Variants in GIN1 observed in about 807,000 individuals in gnomAD.
GIN1 encodes the protein gypsy retrotransposon integrase 1.
In GIN1, 41 loss-of-function variants were observed where a neutral mutation model predicts 51.4. The ratio of observed to expected loss-of-function variants is 0.80; its 90% CI spans 0.62 to 1.04. GIN1 has a LOEUF of 1.04. Ranked by LOEUF, GIN1 falls within the 50% of genes least tolerant of loss-of-function variation. GIN1 has a pLI of 0.00. For missense variants in GIN1, 610 were observed against 612.4 expected, an observed-to-expected ratio of 1.00 and a Z score of 0.04; for synonymous variants, 222 against 206.5, an observed-to-expected ratio of 1.07 and a Z score of -0.64.
chr5:103,089,465 C>CTAAT, intron 7 of GIN1, among the ~76,000 whole-genome samples: 1 of 149,060 alleles, frequency 6.7e-6, no homozygotes, highest in African/African-American at 2.5e-5. Flanking sequence ...CATTCATTCA[C>CTAAT]TCATTCATTC....
At chr5:103,116,341 T>A (rs370726733) in intron 1 of GIN1, among the ~76,000 whole-genome samples, 6 of 152,238 alleles carry the variant, frequency 3.9e-5, no homozygotes, top group African/African-American at 1.4e-4. Flanking sequence ...TATAGTAAAC[T>A]GATTTTCAAC....
chr5:103,110,313 A>G (rs1361619834), intron 1 of GIN1, among the ~76,000 whole-genome samples: 5 of 152,166 alleles, frequency 3.3e-5, no homozygotes, highest in Non-Finnish European at 5.9e-5. Flanking sequence ...TAGGACACGC[A>G]TTGGGAGAAG....
chr5:103,113,422 G>T (rs1226216210), intron 1 of GIN1, among the ~76,000 whole-genome samples: 2 of 152,062 alleles, frequency 1.3e-5, no homozygotes, highest in Admixed American at 1.3e-4. Context: ...CATGAGGGAA[G>T]GGGAAAGGGG....
In GIN1 at chr5:103,106,818, G is replaced by T. The variant is rs782129439; in HGVS notation, c.231C>A (p.Cys77Ter). 4.4e-6 allele frequency: 7 copies of T among 1,600,668 alleles called. No individual in the cohort carries two copies. Among genetic ancestry groups the T allele is most frequent in the African/African-American group, 1.3e-5 (1 of 74,436 alleles). The change falls in exon 3 of 8, where the codon TGC becomes TGA. Residue 77 changes from cysteine to a stop codon, truncating the protein, a stop_gained. Transcript: ENST00000399004. LOFTEE classifies it high-confidence loss of function. Reference protein sequence around the residue: ...EEEKKKVLRECHENDSGAHHG... With the variant: ...EEEKKKVLRE ...GATGAGCTCCACTGTCATTTTCATG[G>T]CATTCTCTTAAGACTTTCTTTTTTT...
In GIN1 at chr5:103,088,137, C is replaced by T. The variant is rs1003268017; in HGVS notation, c.1330G>A (p.Asp444Asn). 3 of 1,605,448 alleles carry T rather than the reference C, an allele frequency of 1.9e-6. No individual in the cohort carries two copies. Among genetic ancestry groups the T allele is most frequent in the Admixed American group, 1.7e-5 (1 of 59,274 alleles). Residue 444 changes from aspartate to asparagine, a missense_variant, in exon 8 of 8, where the codon GAT (aspartate) becomes AAT (asparagine). Asp to Asn is a conservative substitution (Grantham distance 23, BLOSUM62 1). Transcript: ENST00000399004. Reference protein sequence around the residue: ...LYLLQGSVVADHDYIGLPEIP... With the variant: ...LYLLQGSVVANHDYIGLPEIP... ...TCAGGCAATCCAATGTAGTCATGATCTGCCACTACTGAACCTTGCAAGAGA... is the reference window on the plus strand; with the variant it reads ...TCAGGCAATCCAATGTAGTCATGATTTGCCACTACTGAACCTTGCAAGAGA...
At chr5:103,095,758 C>T (rs1201983587) in intron 7 of GIN1, among the ~76,000 whole-genome samples, 3 of 152,104 alleles carry the variant, frequency 2.0e-5, no homozygotes, top group African/African-American at 7.2e-5. Flanking sequence ...CTCATCTCTA[C>T]CAAAAATACA....
intron 7 of GIN1, among the ~76,000 whole-genome samples, chr5:103,089,440 A>G (rs537870392): frequency 2.3e-5 from 3 of 128,624 alleles, no homozygotes; most frequent in Non-Finnish European, 1.5e-5. Flanking sequence ...CTTATTTTTC[A>G]TTCATTCATT....
At chr5:103,113,170 C>T (rs987869626) in intron 1 of GIN1, among the ~76,000 whole-genome samples, 47 of 152,192 alleles carry the variant, frequency 3.1e-4, no homozygotes, top group African/African-American at 1.1e-3. Flanking sequence ...ACAGAGGTCA[C>T]ACTAAAACAC....
rs199707690 is a variant in GIN1 at position 103,096,651 on chromosome 5, T to C, written c.1184A>G (p.Tyr395Cys). 5.6e-6 allele frequency: 9 copies of C among 1,613,896 alleles called. No individual in the cohort carries two copies. The highest frequency in any genetic ancestry group is 1.7e-5 in the Admixed American group (1 of 60,020). Reference sequence around the variant, plus strand: ...GACAGCACATCCACTTTCTGTAATATAGTCTATGACACAAGGACCAACCCA... The same window carrying C: ...GACAGCACATCCACTTTCTGTAATACAGTCTATGACACAAGGACCAACCCA... Reference protein sequence around the residue: ...SEWVGPCVIDYITESGCAVLR... With the variant: ...SEWVGPCVIDCITESGCAVLR... The change falls in exon 7 of 8, where the codon TAT (tyrosine) becomes TGT (cysteine). Residue 395 changes from tyrosine to cysteine, a missense_variant. Tyr to Cys is a radical substitution (Grantham distance 194). Transcript: ENST00000399004.
chr5:103,102,721 G>A (rs1554195910), intron 4 of GIN1: 1 of 152,038 alleles, frequency 6.6e-6, no homozygotes, highest in East Asian at 1.9e-4. Flanking sequence ...AAACCAGCCT[G>A]GGCAACATGG....
At chr5:103,093,697 T>A (rs1787317897) in intron 7 of GIN1, among the ~76,000 whole-genome samples, 1 of 152,212 alleles carries the variant, frequency 6.6e-6, no homozygotes, top group Non-Finnish European at 1.5e-5. Context: ...GATCCAAATC[T>A]ATCACAAACA....
At chr5:103,109,310 C>A (rs142116522) in intron 1 of GIN1, among the ~76,000 whole-genome samples, 1 of 152,062 alleles carries the variant, frequency 6.6e-6, no homozygotes, top group Non-Finnish European at 1.5e-5. Context: ...CTTCTGTTTC[C>A]TGCTAGGATT....
At chr5:103,108,975 T>C (rs889904085) in intron 1 of GIN1, among the ~76,000 whole-genome samples, 1 of 152,054 alleles carries the variant, frequency 6.6e-6, no homozygotes, top group Admixed American at 6.6e-5. Flanking sequence ...TTCCACATAC[T>C]GAGAAAAAAG....
intron 4 of GIN1, among the ~76,000 whole-genome samples, chr5:103,104,184 C>T (rs1244607662): frequency 1.3e-5 from 2 of 152,152 alleles, no homozygotes; most frequent in Non-Finnish European, 2.9e-5. Context: ...AACTCCTGAG[C>T]TCAAGTGATC....
chr5:103,117,766 G>T (rs1788082784), intron 1 of GIN1, among the ~76,000 whole-genome samples: 1 of 152,044 alleles, frequency 6.6e-6, no homozygotes, highest in Admixed American at 6.6e-5. Context: ...CATGAAGTAG[G>T]TATTAGTTTT....
In GIN1 at chr5:103,108,687, A is replaced by G. The variant is rs782302617; in HGVS notation, c.21T>C (p.Asn7=). 1.2e-6 allele frequency: 2 copies of G among 1,603,672 alleles called. No homozygotes were observed. The highest frequency in any genetic ancestry group is 2.2e-5 in the East Asian group (1 of 44,558). The change falls in exon 2 of 8, where the codon AAT becomes AAC. Residue 7 remains asparagine, a synonymous_variant. Transcript: ENST00000399004. ...CAATCTGTTTAAGATGAAGGTCACC[A>G]TTTTTTCCACTACGGACCATTGTGA... MVRSGK[N]GDLHLKQIAY...
At chr5:103,110,039 A>C (rs1161790535) in intron 1 of GIN1, among the ~76,000 whole-genome samples, 1 of 152,114 alleles carries the variant, frequency 6.6e-6, no homozygotes, top group African/African-American at 2.4e-5. Flanking sequence ...GTATTAGGGG[A>C]AAAAATGAAC....
At chr5:103,114,310 T>G (rs1210984262) in intron 1 of GIN1, among the ~76,000 whole-genome samples, 1 of 152,220 alleles carries the variant, frequency 6.6e-6, no homozygotes, top group Non-Finnish European at 1.5e-5. Flanking sequence ...AGGAAGCTAC[T>G]GTATAATTAA....
chr5:103,088,458 CAACGGGAT>C (rs1264199873), intron 7 of GIN1, among the ~76,000 whole-genome samples: 1 of 152,020 alleles, frequency 6.6e-6, no homozygotes, highest in Non-Finnish European at 1.5e-5. Context: ...TATATGCGGA[CAACGGGAT>C]AGAAGGAGTG....
Sources: gnomAD v4.1 joint callset for allele counts (sites outside exome capture counted in the v4.1 genomes callset) on GRCh38, gnomAD v4.1.1 for gene constraint, MANE v1.5 for transcripts, NCBI Gene and HGNC (gene_info 2026-07-23, HGNC 2026-07-21) for gene names.